FAM151B: variants seen among roughly 807,000 people sequenced by gnomAD.
The protein encoded by FAM151B is family with sequence similarity 151 member B.
FAM151B carries 24 observed loss-of-function variants against 31.2 expected under a neutral mutation model. That is an observed-to-expected ratio of 0.77 (90% CI 0.56 to 1.08). FAM151B has a LOEUF of 1.08. Among genes scored for constraint, FAM151B ranks in the 50% least tolerant of loss-of-function variants. The pLI, the probability that FAM151B is intolerant of heterozygous loss-of-function variation, is 0.00. For synonymous variants in FAM151B, 105 were observed against 111.4 expected (o/e 0.94, Z 0.36); for missense variants, 293 against 328.6 (o/e 0.89, Z 0.84).
chr5:80,489,246 G>A (rs1030041742), intron 1 of FAM151B, among the ~76,000 whole-genome samples: 11 of 151,864 alleles, frequency 7.2e-5, no homozygotes, highest in African/African-American at 2.7e-4. Context: ...TTTTTGCATT[G>A]TTCTTCCTCA....
chr5:80,516,466 C>T, intron 3 of FAM151B, among the ~76,000 whole-genome samples: 1 of 152,026 alleles, frequency 6.6e-6, no homozygotes, highest in East Asian at 1.9e-4. Context: ...TTTTATCATT[C>T]CCAATTTTTA....
intron 5 of FAM151B, among the ~76,000 whole-genome samples, chr5:80,538,444 CTTTCTCTTTCTTTCTT>C (rs1209207180): frequency 0.032 from 1,690 of 53,490 alleles, 13 homozygotes; most frequent in Non-Finnish European, 0.038. Flanking sequence ...TTCTTTCTTT[CTTTCTCTTTCTTTCTT>C]TCTTTCTTTC....
chr5:80,538,448 C>CTTTCTTTCTTTCTCTTTCTT (rs1235874356), intron 5 of FAM151B, among the ~76,000 whole-genome samples: 2 of 49,358 alleles, frequency 4.1e-5, no homozygotes, highest in African/African-American at 9.8e-5. Flanking sequence ...TTCTTTCTTT[C>CTTTCTTTCTTTCTCTTTCTT]TCTTTCTTTC....
chr5:80,505,520 A>G (rs866160600), intron 2 of FAM151B, among the ~76,000 whole-genome samples: 28 of 150,530 alleles, frequency 1.9e-4, no homozygotes, highest in Non-Finnish European at 3.3e-4. Flanking sequence ...TCAGCCTCCC[A>G]AGTAGCTGGG....
At chr5:80,535,171 C>G (rs548841977) in intron 5 of FAM151B, among the ~76,000 whole-genome samples, 1 of 152,300 alleles carries the variant, frequency 6.6e-6, no homozygotes, top group African/African-American at 2.4e-5. Flanking sequence ...AATATCCATA[C>G]TACCTAAAGC....
At chr5:80,536,160 A>AGTTTAGTTTT (rs1554058793) in intron 5 of FAM151B, among the ~76,000 whole-genome samples, 4 of 141,858 alleles carry the variant, frequency 2.8e-5, no homozygotes, top group African/African-American at 1.0e-4. Flanking sequence ...AGTTTAGTTT[A>AGTTTAGTTTT]GTTTTGTTTT....
At chr5:80,541,599 T>C (rs1217009819) in intron 5 of FAM151B, 74 bp from the exon 6 acceptor site, 2 of 1,430,178 alleles carry the variant, frequency 1.4e-6, no homozygotes, top group Admixed American at 3.9e-5. Flanking sequence ...AATGAAAGCA[T>C]TTTTAGGCTT....
intron 2 of FAM151B, among the ~76,000 whole-genome samples, chr5:80,509,940 C>T (rs1313411903): frequency 1.3e-5 from 2 of 152,162 alleles, no homozygotes; most frequent in African/African-American, 2.4e-5. Context: ...TGTTCTCAAG[C>T]TTCCAGTAAG....
In FAM151B at chr5:80,501,778, CA is replaced by C; in HGVS notation, c.26-13del. ...AAAACAATATCACTTTTCATGTAAACACTGTTATTTTAGGATCTTGGAGTGA... is the reference window on the plus strand; with the variant it reads ...AAAACAATATCACTTTTCATGTAAACCTGTTATTTTAGGATCTTGGAGTGA... On this transcript the variant is annotated splice_polypyrimidine_tract_variant and intron_variant, in intron 1 of 5. Transcript: ENST00000282226. 6.4e-7 allele frequency: 1 copy of C among 1,563,294 alleles called. No homozygotes were observed. The highest frequency in any genetic ancestry group is 2.3e-5 in the East Asian group (1 of 43,396).
intron 2 of FAM151B, among the ~76,000 whole-genome samples, chr5:80,508,629 A>G (rs1744071488): frequency 6.6e-6 from 1 of 152,176 alleles, no homozygotes. Context: ...TTGGGAGCCC[A>G]CAGACCTCTT....
intron 1 of FAM151B, among the ~76,000 whole-genome samples, chr5:80,494,776 A>G (rs1412132068): frequency 6.6e-6 from 1 of 152,088 alleles, no homozygotes; most frequent in Non-Finnish European, 1.5e-5. Context: ...AGCCTCCCAA[A>G]GTGCTGGGAC....
chr5:80,537,807 T>C (rs1745587487), intron 5 of FAM151B, among the ~76,000 whole-genome samples: 4 of 151,930 alleles, frequency 2.6e-5, no homozygotes, highest in Admixed American at 1.3e-4. Context: ...TAATAAAACA[T>C]TATTAATGTT....
In FAM151B at chr5:80,489,710, G is replaced by A. The variant is rs140108146; in HGVS notation, c.25+1562G>A. Among the ~76,000 whole-genome samples, 679 of 152,298 alleles carry A rather than the reference G, an allele frequency of 4.5e-3. 4 individuals are homozygous for A. Among genetic ancestry groups the A allele is most frequent in the African/African-American group, 0.015 (640 of 41,562 alleles). ...GAGGCCGAGGTGGGCGGATCACGAGGTCAGGAGATCAAGACCATCCTGGCT... is the reference window on the plus strand; with the variant it reads ...GAGGCCGAGGTGGGCGGATCACGAGATCAGGAGATCAAGACCATCCTGGCT... On this transcript the variant is annotated intron_variant, in intron 1 of 5. Transcript: ENST00000282226.
At chr5:80,528,085 C>A (rs907534876) in intron 5 of FAM151B, among the ~76,000 whole-genome samples, 1 of 151,990 alleles carries the variant, frequency 6.6e-6, no homozygotes, top group African/African-American at 2.4e-5. Context: ...AAAAACTATA[C>A]TTCCAGGGAT....
At chr5:80,532,444 A>C (rs1026392503) in intron 5 of FAM151B, among the ~76,000 whole-genome samples, 1 of 152,234 alleles carries the variant, frequency 6.6e-6, no homozygotes, top group African/African-American at 2.4e-5. Context: ...TCAGTTCAGC[A>C]AGAGGATATA....
chr5:80,515,317 G>A (rs1561369761), intron 3 of FAM151B, among the ~76,000 whole-genome samples: 1 of 152,084 alleles, frequency 6.6e-6, no homozygotes, highest in African/African-American at 2.4e-5. Flanking sequence ...TCATTTTATT[G>A]ACAAAGAAAC....
At chr5:80,503,253 T>C (rs1298422919) in intron 2 of FAM151B, among the ~76,000 whole-genome samples, 1 of 152,180 alleles carries the variant, frequency 6.6e-6, no homozygotes, top group Non-Finnish European at 1.5e-5. Flanking sequence ...TAAATGATCA[T>C]AATAAATAGG....
intron 1 of FAM151B, among the ~76,000 whole-genome samples, chr5:80,496,519 G>A (rs1743542828): frequency 6.6e-6 from 1 of 152,074 alleles, no homozygotes; most frequent in African/African-American, 2.4e-5. Flanking sequence ...TTATTCCAGT[G>A]GCCCATAACT....
rs757187653 is a variant in FAM151B at position 80,488,104 on chromosome 5, G to C, written c.-20G>C. 2.1e-5 allele frequency: 32 copies of C among 1,539,866 alleles called. No individual in the cohort carries two copies. The highest frequency in any genetic ancestry group is 2.7e-5 in the Non-Finnish European group (31 of 1,146,564). On this transcript the variant is annotated 5_prime_UTR_variant, in exon 1 of 6. Transcript: ENST00000282226. ...GGGGCGCCAGCCTGGGCGCCTGCGC[G>C]GACGGCGGGCGTCGTCACCATGGCA...
Sources: allele counts gnomAD v4.1 joint callset (sites outside exome capture counted in the v4.1 genomes callset), GRCh38; gene constraint gnomAD v4.1.1; transcripts MANE v1.5; gene names NCBI Gene and HGNC (gene_info 2026-07-23, HGNC 2026-07-21).